SPATA1: variants seen among roughly 807,000 people sequenced by gnomAD.
The protein encoded by SPATA1 is spermatogenesis-associated protein 1.
SPATA1 carries 57 observed loss-of-function variants against 59.6 expected under a neutral mutation model. The observed-to-expected ratio is 0.96, with a 90% CI of 0.77 to 1.19. SPATA1 has a LOEUF of 1.19. Ranked by LOEUF, SPATA1 falls within the 50% of genes most tolerant of loss-of-function variation. The pLI is 0.00. For missense variants in SPATA1, 448 were observed against 480.7 expected (o/e 0.93, Z 0.64); for synonymous variants, 147 against 163.9 (o/e 0.90, Z 0.79).
downstream of SPATA1, among the ~76,000 whole-genome samples, chr1:84,555,688 C>T (rs1385639255): frequency 1.3e-5 from 2 of 152,198 alleles, no homozygotes; most frequent in Admixed American, 6.5e-5. Context: ...TTAGCCAAGG[C>T]GTACATCTGA....
At chr1:84,557,487 C>T (rs546266728), downstream of SPATA1, among the ~76,000 whole-genome samples, 8 of 133,110 alleles carry the variant, frequency 6.0e-5, no homozygotes, top group Admixed American at 3.5e-4. Context: ...CAGCCGAGAT[C>T]GTGCCACTGC....
At chr1:84,530,302 G>A (rs1323380740) in intron 6 of SPATA1, among the ~76,000 whole-genome samples, 5 of 152,166 alleles carry the variant, frequency 3.3e-5, no homozygotes, top group Non-Finnish European at 7.3e-5. Flanking sequence ...TGATATGAAT[G>A]AAGCTTTCAG....
intron 6 of SPATA1, among the ~76,000 whole-genome samples, chr1:84,530,157 G>A (rs756766051): frequency 5.3e-5 from 8 of 152,196 alleles, no homozygotes; most frequent in Admixed American, 2.0e-4. Flanking sequence ...TAGGATTGCA[G>A]TCATGAGCCA....
In SPATA1 at chr1:84,538,074, T is replaced by C. The variant is rs530738718; in HGVS notation, c.717+4308T>C. Reference sequence around the variant, plus strand: ...TGGACAAATTGTGGGTTTTGTGCCATGATCAAAACTTGAAAATGGCAGAAA... The same window carrying C: ...TGGACAAATTGTGGGTTTTGTGCCACGATCAAAACTTGAAAATGGCAGAAA... On this transcript the variant is annotated intron_variant, in intron 8 of 12. Coordinates refer to ENST00000490879, the Ensembl canonical transcript of SPATA1. Among the ~76,000 whole-genome samples the C allele has an allele frequency of 5.3e-5, 8 of 152,308 alleles. No individual in the cohort carries two copies. The South Asian group carries it at 6.2e-4, about 12-fold the overall frequency.
At chr1:84,537,938 G>T (rs1298080809) in intron 8 of SPATA1, among the ~76,000 whole-genome samples, 1 of 152,206 alleles carries the variant, frequency 6.6e-6, no homozygotes, top group African/African-American at 2.4e-5. Flanking sequence ...CTGCCTCCCT[G>T]ATGCTTGCAG....
At chr1:84,546,114 A>G (rs549410527) in intron 10 of SPATA1, among the ~76,000 whole-genome samples, 1 of 152,352 alleles carries the variant, frequency 6.6e-6, no homozygotes, top group East Asian at 1.9e-4. Flanking sequence ...CCCTGCCCAC[A>G]TAGATCTTAC....
At chr1:84,525,641 T>C in intron 4 of SPATA1, 55 bp from the exon 5 acceptor site, 1 of 1,490,462 alleles carries the variant, frequency 6.7e-7, no homozygotes, top group East Asian at 2.3e-5. Flanking sequence ...GAGGTAAAAA[T>C]AATTGAAAAA....
chr1:84,507,159 C>G (rs1298361967), intron 1 of SPATA1: 1 of 152,096 alleles, frequency 6.6e-6, no homozygotes, highest in African/African-American at 2.4e-5. Context: ...TATGTCACAG[C>G]ACTAAGGGCA....
intron 11 of SPATA1, chr1:84,549,886 A>G (rs1684218834): frequency 6.6e-6 from 1 of 151,042 alleles, no homozygotes; most frequent in African/African-American, 2.4e-5. Context: ...TTTTTTTAGC[A>G]TAGCTTATAC....
exon 6 of SPATA1, chr1:84,525,966 C>T (rs772340002): frequency 3.7e-6 from 6 of 1,613,692 alleles, no homozygotes; most frequent in Non-Finnish European, 2.5e-6. Context: ...GCTGATGGAA[C>T]AATCCACAGA....
chr1:84,550,574 T>G, intron 12 of SPATA1, 44 bp downstream of exon 12: 2 of 1,451,242 alleles, frequency 1.4e-6, no homozygotes, highest in Non-Finnish European at 1.8e-6. Flanking sequence ...ACATTTATCT[T>G]GAAATAAAAT....
At position 84,526,074 on chromosome 1, in the gene SPATA1, G is replaced by A. The variant is rs1683211073; in HGVS notation, c.544+1G>A. On this transcript the variant is annotated splice_donor_variant, in intron 6 of 12. Coordinates refer to ENST00000490879, the Ensembl canonical transcript of SPATA1. LOFTEE classifies it high-confidence loss of function. ...CTTCCTAACAAGAATCAGGAAGAAGGTGATTTTAAACTGGAATGGGAAAAA... is the reference window on the plus strand; with the variant it reads ...CTTCCTAACAAGAATCAGGAAGAAGATGATTTTAAACTGGAATGGGAAAAA... The A allele has an allele frequency of 6.2e-7, 1 of 1,602,462 alleles. No homozygotes were observed. Among genetic ancestry groups the A allele is most frequent in the Non-Finnish European group, 8.5e-7 (1 of 1,173,618 alleles).
At chr1:84,511,655 CTTTTTT>C (rs771793030) in intron 1 of SPATA1, among the ~76,000 whole-genome samples, 1 of 81,134 alleles carries the variant, frequency 1.2e-5, no homozygotes, top group Admixed American at 1.2e-4. Flanking sequence ...GCATTTCAGG[CTTTTTT>C]TTTTTTTTTC....
chr1:84,558,149 TTTAAG>T (rs1434569358), downstream of SPATA1, among the ~76,000 whole-genome samples: 14 of 152,148 alleles, frequency 9.2e-5, no homozygotes, highest in Non-Finnish European at 1.9e-4. Flanking sequence ...GAGAATGGAT[TTTAAG>T]TGTTCTTACC....
chr1:84,509,017 ATC>A (rs1384569784), intron 1 of SPATA1, among the ~76,000 whole-genome samples: 1 of 152,176 alleles, frequency 6.6e-6, no homozygotes, highest in East Asian at 1.9e-4. Context: ...ATTCAGTGCA[ATC>A]TCTATCAAAA....
At chr1:84,521,518 C>T (rs1683026336) in intron 3 of SPATA1, among the ~76,000 whole-genome samples, 1 of 152,144 alleles carries the variant, frequency 6.6e-6, no homozygotes, top group African/African-American at 2.4e-5. Flanking sequence ...GTTTTCTGCC[C>T]TAACCATATG....
chr1:84,567,266 T>G (rs1382109763), downstream of SPATA1, among the ~76,000 whole-genome samples: 2 of 152,198 alleles, frequency 1.3e-5, no homozygotes, highest in Non-Finnish European at 2.9e-5. Flanking sequence ...AGTTATGAAA[T>G]AAAATTATTA....
intron 4 of SPATA1, among the ~76,000 whole-genome samples, chr1:84,522,959 A>G (rs547373900): frequency 6.7e-6 from 1 of 149,248 alleles, no homozygotes; most frequent in South Asian, 2.1e-4. Flanking sequence ...CACCCTGGCT[A>G]GAGTGCTGTA....
chr1:84,542,043 C>A (rs1683928296), intron 8 of SPATA1, among the ~76,000 whole-genome samples: 2 of 152,058 alleles, frequency 1.3e-5, no homozygotes, highest in South Asian at 4.2e-4. Context: ...GATCTCAGCT[C>A]CCTGCAACCT....
Sources: allele counts gnomAD v4.1 joint callset (sites outside exome capture counted in the v4.1 genomes callset), GRCh38; gene constraint gnomAD v4.1.1; transcripts MANE v1.5; gene names NCBI Gene and HGNC (gene_info 2026-07-23, HGNC 2026-07-21).